Variants in CES1 observed in about 807,000 individuals in gnomAD.
The protein encoded by CES1 is carboxylesterase 1, also known as liver carboxylesterase 1.
In CES1, 50 loss-of-function variants were observed where a neutral mutation model predicts 53.0. That is an observed-to-expected ratio of 0.94 (90% CI 0.75 to 1.19). The LOEUF (loss-of-function observed/expected upper bound fraction) is 1.19. Among genes scored for constraint, CES1 ranks in the 50% most tolerant of loss-of-function variants. The pLI, the probability that CES1 is intolerant of heterozygous loss-of-function variation, is 0.00. For synonymous variants in CES1, 202 were observed against 210.1 expected (o/e 0.96, Z 0.33); for missense variants, 534 against 538.0 (o/e 0.99, Z 0.07).
chr16:55,830,067 C>T (rs576599234), intron 1 of CES1, among the ~76,000 whole-genome samples: 44 of 152,352 alleles, frequency 2.9e-4, no homozygotes, highest in African/African-American at 1.0e-3. Context: ...CTCCCAGCTG[C>T]TCTGCTTTGG....
intron 8 of CES1, 150 bp downstream of exon 8, chr16:55,816,774 C>G (rs1453580639): frequency 3.1e-6 from 3 of 973,328 alleles, no homozygotes; most frequent in Non-Finnish European, 5.0e-6. Context: ...CTGTGTTACC[C>G]AGGTGAGTCA....
chr16:55,825,244 C>T (rs1276766945), intron 3 of CES1, among the ~76,000 whole-genome samples: 2 of 152,188 alleles, frequency 1.3e-5, no homozygotes, highest in African/African-American at 4.8e-5. Flanking sequence ...CTGTGTCTCA[C>T]AAAGCACATG....
chr16:55,826,702 T>A (rs1388028559), intron 2 of CES1, among the ~76,000 whole-genome samples: 27 of 152,156 alleles, frequency 1.8e-4, no homozygotes, highest in Non-Finnish European at 7.3e-5. Context: ...CTTGGGTGAA[T>A]TCCTTTTACA....
rs1462615184 is a variant in CES1, at chr16:55,821,232, C to G, written c.693+136G>C. The G allele has an allele frequency of 2.5e-6, 3 of 1,176,654 alleles. No individual in the cohort carries two copies. The African/African-American group carries it at 4.7e-5, about 18-fold the overall frequency. 72.9% of individuals were successfully genotyped at this position (1,176,654 alleles called of 1,614,324 possible). ...GTCTTTAGCTTTCTACCCCCTGATG[C>G]TGGGCTGTGAGTAGGGCCAGTCCTG... On this transcript the variant is annotated intron_variant, in intron 5 of 13. Transcript: ENST00000360526.
chr16:55,810,707 T>A (rs769838573), intron 10 of CES1, 43 bp from the exon 11 acceptor site: 12 of 1,608,642 alleles, frequency 7.5e-6, no homozygotes, highest in Non-Finnish European at 1.0e-5. Flanking sequence ...GGGTGAGCGA[T>A]GCAGCTTCTC....
rs1431651120 is a variant in CES1 at position 55,833,090 on chromosome 16, T to A, written c.-35A>T. On this transcript the variant is annotated 5_prime_UTR_variant, in exon 1 of 14. Coordinates refer to ENST00000360526, the MANE Select transcript of CES1 (RefSeq NM_001025195.2). Reference sequence around the variant, plus strand: ...GCGACAGTTCTCGGGGCCTGCGAGGTCTCTGTGCAGTTCAGAGGGACTGTG... The same window carrying A: ...GCGACAGTTCTCGGGGCCTGCGAGGACTCTGTGCAGTTCAGAGGGACTGTG... 3.9e-6 allele frequency: 6 copies of A among 1,532,928 alleles called. 1 individual carries two copies. Among genetic ancestry groups the A allele is most frequent in the Non-Finnish European group, 3.6e-6 (4 of 1,112,480 alleles). The allele number at this position is 1,532,928 out of a possible 1,614,324, so 95.0% of individuals were successfully genotyped here. A position where few individuals can be genotyped will look rare whatever the true frequency, so the allele number is the denominator to read the frequency against.
In CES1 at chr16:55,816,525, C is replaced by T. The variant is rs572359709; in HGVS notation, c.945+399G>A. On this transcript the variant is annotated intron_variant, in intron 8 of 13. Transcript: ENST00000360526. ...GAGTTTCCTGTGTGCTGGGAGGAGACGAGTGTCCTTGGACTGAGATTTAGG... is the reference window on the plus strand; with the variant it reads ...GAGTTTCCTGTGTGCTGGGAGGAGATGAGTGTCCTTGGACTGAGATTTAGG... Among the ~76,000 whole-genome samples, 5 of 152,256 alleles carry T rather than the reference C, an allele frequency of 3.3e-5. No individual in the cohort carries two copies. The East Asian group carries it at 7.7e-4, about 23-fold the overall frequency.
chr16:55,811,108 T>A, intron 9 of CES1, 98 bp from the exon 10 acceptor site: 1 of 1,002,058 alleles, frequency 1.0e-6, no homozygotes, highest in Non-Finnish European at 1.6e-6. Flanking sequence ...CTGAAAGTCC[T>A]CTAATTATGG....
chr16:55,825,976 G>A (rs1470385914), intron 3 of CES1, among the ~76,000 whole-genome samples, 175 bp downstream of exon 3: 2 of 152,198 alleles, frequency 1.3e-5, no homozygotes, highest in African/African-American at 2.4e-5. Flanking sequence ...CCTATGTCAC[G>A]AGGGTAAACT....
At chr16:55,820,602 G>A (rs8192940) in intron 5 of CES1, 123 bp from the exon 6 acceptor site, 1,080,920 of 1,470,948 alleles carry the variant, frequency 0.73, 406,633 homozygotes, top group Non-Finnish European at 0.79. Flanking sequence ...TCCAGTAGTG[G>A]GCTGACCCTC....
chr16:55,818,038 G>A (rs2032021543), intron 7 of CES1, among the ~76,000 whole-genome samples: 1 of 152,208 alleles, frequency 6.6e-6, no homozygotes, highest in African/African-American at 2.4e-5. Context: ...CAAGACCTAA[G>A]CACCAATACC....
chr16:55,809,962 C>T (rs1345243291), intron 11 of CES1, among the ~76,000 whole-genome samples: 1 of 152,246 alleles, frequency 6.6e-6, no homozygotes, highest in African/African-American at 2.4e-5. Context: ...GCATGCCAGC[C>T]TGACTTCCAC....
chr16:55,808,403 T>C (rs1281446691), intron 11 of CES1, among the ~76,000 whole-genome samples: 1 of 152,264 alleles, frequency 6.6e-6, no homozygotes, highest in East Asian at 1.9e-4. Flanking sequence ...ATGAGAGGGC[T>C]AGTCATGGAG....
intron 7 of CES1, 147 bp from the exon 8 acceptor site, chr16:55,817,109 C>G: frequency 2.2e-6 from 2 of 903,982 alleles, no homozygotes; most frequent in Non-Finnish European, 3.7e-6. Context: ...CTCCATCTCC[C>G]TGAACATGAA....
In CES1 at chr16:55,833,093, C is replaced by T. The variant is rs752251013; in HGVS notation, c.-38G>A. The T allele has an allele frequency of 2.0e-5, 30 of 1,523,142 alleles. 2 individuals carry two copies. In the Admixed American group the frequency reaches 4.7e-4, roughly 24 times the overall value. The allele number at this position is 1,523,142 out of a possible 1,614,324, so 94.4% of individuals were successfully genotyped here. ...ACAGTTCTCGGGGCCTGCGAGGTCT[C>T]TGTGCAGTTCAGAGGGACTGTGCTG... On this transcript the variant is annotated 5_prime_UTR_variant, in exon 1 of 14. Transcript: ENST00000360526.
intron 1 of CES1, among the ~76,000 whole-genome samples, chr16:55,830,668 T>G (rs2032603575): frequency 6.6e-6 from 1 of 150,550 alleles, no homozygotes; most frequent in South Asian, 2.1e-4. Context: ...CTGGGTGTGG[T>G]AGCATGTGCC....
intron 1 of CES1, among the ~76,000 whole-genome samples, chr16:55,832,514 T>C (rs1220006011): frequency 1.3e-5 from 2 of 152,094 alleles, no homozygotes; most frequent in African/African-American, 4.8e-5. Flanking sequence ...CCCAGTGAGG[T>C]AGGCAGCACT....
intron 8 of CES1, among the ~76,000 whole-genome samples, chr16:55,816,715 G>T (rs1200562927): frequency 6.6e-6 from 1 of 152,174 alleles, no homozygotes; most frequent in East Asian, 1.9e-4. Context: ...GGGAGCACTG[G>T]ACTGGGAGTC....
intron 4 of CES1, among the ~76,000 whole-genome samples, chr16:55,822,544 G>A (rs1189591584): frequency 1.3e-5 from 2 of 152,150 alleles, no homozygotes; most frequent in Non-Finnish European, 2.9e-5. Context: ...TGGGAGTCAA[G>A]GATTCAACTT....
Sources: allele counts gnomAD v4.1 joint callset (sites outside exome capture counted in the v4.1 genomes callset), GRCh38; gene constraint gnomAD v4.1.1; transcripts MANE v1.5; gene names NCBI Gene and HGNC (gene_info 2026-07-23, HGNC 2026-07-21).